Variants in PDGFD observed in about 807,000 individuals in gnomAD.
PDGFD encodes the protein platelet derived growth factor D.
Under a neutral mutation model 44.7 loss-of-function variants are expected in PDGFD, and 30 were observed. The ratio of observed to expected loss-of-function variants is 0.67; its 90% confidence interval spans 0.50 to 0.91. The LOEUF is 0.91. Among genes scored for constraint, PDGFD ranks in the 40% least tolerant of loss-of-function variants. The probability of loss-of-function intolerance (pLI) is 0.00; values close to 1 mark genes in which losing one functional copy is unlikely to be tolerated. For synonymous variants in PDGFD, 173 were observed against 168.4 expected (o/e 1.03, Z -0.21); for missense variants, 445 against 457.8 (o/e 0.97, Z 0.25).
chr11:104,088,078 A>C (rs1442737542), intron 1 of PDGFD, among the ~76,000 whole-genome samples: 2 of 152,232 alleles, frequency 1.3e-5, no homozygotes, highest in Admixed American at 6.5e-5. Flanking sequence ...TTTCTTCAAT[A>C]CTTCAATTAC....
chr11:104,064,899 G>C (rs1320468048), intron 1 of PDGFD, among the ~76,000 whole-genome samples: 2 of 152,328 alleles, frequency 1.3e-5, no homozygotes, highest in South Asian at 4.1e-4. Flanking sequence ...CAACTTGATG[G>C]AATTGAAGGA....
chr11:104,137,721 A>G (rs1028435315), intron 1 of PDGFD, among the ~76,000 whole-genome samples: 14 of 142,708 alleles, frequency 9.8e-5, no homozygotes, highest in Non-Finnish European at 1.9e-4. Flanking sequence ...AGTGATATAG[A>G]TCACCACTTT....
intron 1 of PDGFD, among the ~76,000 whole-genome samples, chr11:104,026,611 G>A (rs1239964326): frequency 6.6e-6 from 1 of 152,162 alleles, no homozygotes; most frequent in Non-Finnish European, 1.5e-5. Flanking sequence ...AAAAATTCCA[G>A]TTTTTAAAGG....
chr11:104,042,394 G>C (rs891045328), intron 1 of PDGFD, among the ~76,000 whole-genome samples: 4 of 152,184 alleles, frequency 2.6e-5, no homozygotes, highest in African/African-American at 7.2e-5. Context: ...TTGCAGTCTT[G>C]CTGTGCTTTC....
intron 2 of PDGFD, 40 bp downstream of exon 2, chr11:104,000,011 A>T (rs1859596147): frequency 1.3e-6 from 2 of 1,515,514 alleles, no homozygotes; most frequent in South Asian, 2.3e-5. Flanking sequence ...TTCTTTTTTC[A>T]CCTTGAAATA....
intron 1 of PDGFD, among the ~76,000 whole-genome samples, chr11:104,063,092 G>A (rs1245620511): frequency 6.6e-6 from 1 of 152,180 alleles, no homozygotes; most frequent in East Asian, 1.9e-4. Context: ...TGGGAGACAT[G>A]AATTCAATTA....
chr11:104,090,599 A>G (rs934625005), intron 1 of PDGFD, among the ~76,000 whole-genome samples: 1 of 147,402 alleles, frequency 6.8e-6, no homozygotes, highest in Non-Finnish European at 1.5e-5. Context: ...ACTGCATTCC[A>G]GCCTGAGTGA....
intron 1 of PDGFD, among the ~76,000 whole-genome samples, chr11:104,085,725 G>A (rs568553598): frequency 3.9e-5 from 6 of 152,084 alleles, no homozygotes; most frequent in Admixed American, 3.9e-4. Flanking sequence ...TCTTTTCAAT[G>A]TCCAGCTTAA....
chr11:103,991,753 C>G (rs954194545), intron 3 of PDGFD, among the ~76,000 whole-genome samples: 4 of 152,110 alleles, frequency 2.6e-5, no homozygotes, highest in African/African-American at 9.7e-5. Flanking sequence ...TAGCCTCAGA[C>G]AGTTGAGTAA....
intron 6 of PDGFD, among the ~76,000 whole-genome samples, chr11:103,926,265 T>C (rs1858313484): frequency 6.6e-6 from 1 of 152,204 alleles, no homozygotes; most frequent in South Asian, 2.1e-4. Context: ...TTACTTACAA[T>C]AGTTTTTGTC....
In PDGFD at chr11:103,926,991, C is replaced by CCACAGCACTG; in HGVS notation, c.907_908insCAGTGCTGTG (p.Gly303AlafsTer30). On this transcript the variant is annotated frameshift_variant, in exon 6 of 7. Transcript: ENST00000393158. LOFTEE classifies it high-confidence loss of function. ...GACAGTTCCACAGCCACAATTTCCTCCACAGCGCTGCACGAGGAGGCAACG... is the reference window on the plus strand; with the variant it reads ...GACAGTTCCACAGCCACAATTTCCTCCACAGCACTGCACAGCGCTGCACGAGGAGGCAACG... The CCACAGCACTG allele has an allele frequency of 6.2e-7, 1 of 1,614,206 alleles. No homozygotes were observed. Among genetic ancestry groups the CCACAGCACTG allele is most frequent in the Non-Finnish European group, 8.5e-7 (1 of 1,180,030 alleles).
intron 6 of PDGFD, among the ~76,000 whole-genome samples, chr11:103,926,632 A>G (rs1858319761): frequency 6.6e-6 from 1 of 152,228 alleles, no homozygotes; most frequent in African/African-American, 2.4e-5. Context: ...CTCTGAAATT[A>G]CTGTATCACA....
At chr11:103,960,040 G>A (rs766775410) in intron 3 of PDGFD, among the ~76,000 whole-genome samples, 6 of 152,184 alleles carry the variant, frequency 3.9e-5, no homozygotes, top group Non-Finnish European at 8.8e-5. Flanking sequence ...AGTTTTATGA[G>A]TGAAAACACT....
At chr11:103,975,844 G>A (rs977555886) in intron 3 of PDGFD, among the ~76,000 whole-genome samples, 4 of 151,888 alleles carry the variant, frequency 2.6e-5, no homozygotes, top group African/African-American at 9.7e-5. Flanking sequence ...GTTCTGTTCC[G>A]TTGGTCTATA....
At chr11:104,037,566 C>A in intron 1 of PDGFD, 1 of 1,614,028 alleles carries the variant, frequency 6.2e-7, no homozygotes, top group Non-Finnish European at 8.5e-7. Context: ...ACATTAACTG[C>A]AAAGTGAATG....
intron 3 of PDGFD, among the ~76,000 whole-genome samples, chr11:103,962,510 T>C (rs73600281): frequency 6.6e-6 from 1 of 152,056 alleles, no homozygotes; most frequent in Admixed American, 6.6e-5. Context: ...ACAAACAAAA[T>C]AAAAGCAAAC....
chr11:104,042,405 T>C (rs1018674419), intron 1 of PDGFD, among the ~76,000 whole-genome samples: 3 of 152,252 alleles, frequency 2.0e-5, no homozygotes, highest in African/African-American at 7.2e-5. Flanking sequence ...CTGTGCTTTC[T>C]GTGCCTTCCT....
chr11:103,964,018 A>G (rs1309519298), intron 3 of PDGFD, among the ~76,000 whole-genome samples: 1 of 152,042 alleles, frequency 6.6e-6, no homozygotes, highest in African/African-American at 2.4e-5. Flanking sequence ...GCCCATCTCT[A>G]TGACATTTAG....
At chr11:103,954,068 A>G (rs536476855) in intron 3 of PDGFD, among the ~76,000 whole-genome samples, 1 of 152,376 alleles carries the variant, frequency 6.6e-6, no homozygotes, top group African/African-American at 2.4e-5. Flanking sequence ...CAGGTAATAA[A>G]TGTTGTCAAC....
Sources: gnomAD v4.1 joint callset for allele counts (sites outside exome capture counted in the v4.1 genomes callset) on GRCh38, gnomAD v4.1.1 for gene constraint, MANE v1.5 for transcripts, NCBI Gene and HGNC (gene_info 2026-07-23, HGNC 2026-07-21) for gene names.